Variants in TRMT11 observed in about 807,000 individuals in gnomAD.
TRMT11 encodes tRNA (guanine(10)-N(2))-methyltransferase TRMT11.
Under a neutral mutation model 62.8 loss-of-function variants are expected in TRMT11, and 53 were observed. The ratio of observed to expected loss-of-function variants is 0.84; its 90% confidence interval spans 0.68 to 1.06. TRMT11 has a LOEUF of 1.06. Ranked by LOEUF, TRMT11 falls within the 50% of genes least tolerant of loss-of-function variation. The pLI is 0.00. For synonymous variants in TRMT11, 188 were observed against 190.3 expected, an observed-to-expected ratio of 0.99 and a Z score of 0.10; for missense variants, 556 against 553.4, an observed-to-expected ratio of 1.00 and a Z score of -0.05.
At chr6:126,203,303 G>A (rs1211815351), downstream of TRMT11, among the ~76,000 whole-genome samples, 1 of 152,152 alleles carries the variant, frequency 6.6e-6, no homozygotes, top group Non-Finnish European at 1.5e-5. Context: ...TACTGCATGG[G>A]ACTTATCTTT....
intron 1 of TRMT11, among the ~76,000 whole-genome samples, chr6:126,197,389 T>G (rs1006149092): frequency 2.6e-5 from 4 of 152,216 alleles, no homozygotes; most frequent in Admixed American, 2.6e-4. Context: ...TTGTTCAGTC[T>G]TCCATGTTTT....
At chr6:126,089,222 T>C (rs1583871614) in intron 17 of TRMT11, among the ~76,000 whole-genome samples, 1 of 151,830 alleles carries the variant, frequency 6.6e-6, no homozygotes, top group South Asian at 2.1e-4. Context: ...TGAGTAATTC[T>C]CCTGCCTCAG....
intron 16 of TRMT11, among the ~76,000 whole-genome samples, chr6:126,052,317 C>T (rs1229099480): frequency 6.6e-6 from 1 of 152,132 alleles, no homozygotes; most frequent in African/African-American, 2.4e-5. Context: ...TGTTTGGGCT[C>T]CAGACGCAGA....
chr6:126,264,713 C>G, the TRMT11 span, among the ~76,000 whole-genome samples: 2 of 152,166 alleles, frequency 1.3e-5, no homozygotes, highest in South Asian at 4.1e-4. Context: ...GGAATTCTCC[C>G]AGCAGACTGC....
intron 6 of TRMT11, among the ~76,000 whole-genome samples, chr6:125,999,195 T>C (rs1366926453): frequency 6.6e-6 from 1 of 152,168 alleles, no homozygotes; most frequent in East Asian, 1.9e-4. Context: ...GAAATGGGCA[T>C]ACCTTAACAC....
chr6:126,043,215 C>T (rs1240247886), downstream of TRMT11, among the ~76,000 whole-genome samples: 7 of 116,428 alleles, frequency 6.0e-5, no homozygotes, highest in East Asian at 2.1e-3. Flanking sequence ...CCCCCCACCC[C>T]ACAACAGTCC....
the TRMT11 span, among the ~76,000 whole-genome samples, chr6:126,221,531 A>G: frequency 6.6e-6 from 1 of 152,044 alleles, no homozygotes; most frequent in African/African-American, 2.4e-5. Context: ...ATCTTTTTGT[A>G]TGTTTGTTGG....
At chr6:126,096,591 A>T (rs1251946197) in intron 17 of TRMT11, among the ~76,000 whole-genome samples, 1 of 151,846 alleles carries the variant, frequency 6.6e-6, no homozygotes, top group African/African-American at 2.4e-5. Flanking sequence ...TTTAGATAGC[A>T]TGCTCACCAT....
At chr6:126,000,547 A>G (rs974235793) in intron 7 of TRMT11, among the ~76,000 whole-genome samples, 2 of 152,154 alleles carry the variant, frequency 1.3e-5, no homozygotes, top group Non-Finnish European at 2.9e-5. Flanking sequence ...AAGGTTATAC[A>G]GTATATTGGT....
chr6:126,238,033 T>C, the TRMT11 span, among the ~76,000 whole-genome samples: 1 of 152,186 alleles, frequency 6.6e-6, no homozygotes, highest in Non-Finnish European at 1.5e-5. Flanking sequence ...TGGTAGTTTG[T>C]ATTTCTGTGG....
intron 21 of TRMT11, among the ~76,000 whole-genome samples, chr6:126,155,663 G>A (rs914139405): frequency 1.3e-5 from 2 of 152,170 alleles, no homozygotes; most frequent in African/African-American, 4.8e-5. Context: ...GGACAAACTG[G>A]CCAAAAGAAA....
Position 125,994,077 on chromosome 6 carries a change from G to C in TRMT11, c.138+255G>C, listed in dbSNP as rs558465038. ...AATTTGTCCTTTCACCTAAAAAAGG[G>C]CTGTGCTCCATTGGTGAGCTGTGTT... is the stretch of plus-strand genomic sequence containing the variant. On this transcript the variant is annotated intron_variant, in intron 2 of 12. Transcript: ENST00000334379. 1.3e-3 allele frequency among the ~76,000 whole-genome samples: 196 copies of C among 152,250 alleles called. 1 individual carries two copies. Among genetic ancestry groups the C allele is most frequent in the African/African-American group, 4.3e-3 (178 of 41,532 alleles).
intron 21 of TRMT11, among the ~76,000 whole-genome samples, chr6:126,117,087 A>G (rs1431735120): frequency 2.6e-5 from 4 of 152,090 alleles, no homozygotes; most frequent in Admixed American, 6.6e-5. Context: ...GGGCCAAACA[A>G]TAACAAAGGT....
chr6:126,242,209 T>C, the TRMT11 span, among the ~76,000 whole-genome samples: 2 of 152,088 alleles, frequency 1.3e-5, no homozygotes, highest in African/African-American at 4.8e-5. Context: ...ATAAAATACC[T>C]AGGAATCCAA....
chr6:126,092,445 T>C (rs1777287396), intron 17 of TRMT11, among the ~76,000 whole-genome samples: 1 of 152,120 alleles, frequency 6.6e-6, no homozygotes, highest in Admixed American at 6.5e-5. Context: ...TCATGAGACA[T>C]ATGCACTACC....
At chr6:126,009,660 T>C (rs1793893084) in intron 8 of TRMT11, among the ~76,000 whole-genome samples, 1 of 152,028 alleles carries the variant, frequency 6.6e-6, no homozygotes, top group Non-Finnish European at 1.5e-5. Flanking sequence ...GTAAAGAATT[T>C]AGTAACATTT....
At chr6:126,193,601 T>G (rs1257603522) in intron 1 of TRMT11, among the ~76,000 whole-genome samples, 1 of 146,840 alleles carries the variant, frequency 6.8e-6, no homozygotes, top group Non-Finnish European at 1.5e-5. Flanking sequence ...CACGCCATTC[T>G]CCTGCCTCAG....
chr6:126,167,523 C>G (rs1474367750), intron 21 of TRMT11, among the ~76,000 whole-genome samples: 1 of 152,218 alleles, frequency 6.6e-6, no homozygotes, highest in East Asian at 1.9e-4. Flanking sequence ...CTTCTTTGAT[C>G]TCACTGGGAG....
chr6:126,107,360 A>G (rs1297129723), intron 17 of TRMT11, among the ~76,000 whole-genome samples: 2 of 152,200 alleles, frequency 1.3e-5, no homozygotes, highest in Non-Finnish European at 2.9e-5. Flanking sequence ...TCGAAAATCA[A>G]GCTGAAGCCA....
Sources: allele counts gnomAD v4.1 joint callset (sites outside exome capture counted in the v4.1 genomes callset), GRCh38; gene constraint gnomAD v4.1.1; transcripts MANE v1.5; gene names NCBI Gene and HGNC (gene_info 2026-07-23, HGNC 2026-07-21).